Variants in SPHKAP observed in about 807,000 individuals in gnomAD.
SPHKAP encodes the protein SPHK1 interactor, AKAP domain containing, also known as A-kinase anchor protein SPHKAP.
Under a neutral mutation model 137.5 loss-of-function variants are expected in SPHKAP, and 67 were observed. The ratio of observed to expected loss-of-function variants is 0.49; its 90% CI spans 0.40 to 0.60. SPHKAP has a LOEUF of 0.60. SPHKAP is among the 20% of genes least tolerant of loss of function. The pLI is 0.00. For missense variants in SPHKAP, 2,097 were observed against 2,069.3 expected, an observed-to-expected ratio of 1.01 and a Z score of -0.26; for synonymous variants, 813 against 785.3, an observed-to-expected ratio of 1.04 and a Z score of -0.59.
intron 7 of SPHKAP, among the ~76,000 whole-genome samples, chr2:228,013,335 T>G (rs1345706946): frequency 6.6e-6 from 1 of 152,124 alleles, no homozygotes. Flanking sequence ...CACTGCAACC[T>G]CCACCTCCCA....
At chr2:228,135,926 T>G (rs1307161058) in intron 1 of SPHKAP, among the ~76,000 whole-genome samples, 1 of 152,232 alleles carries the variant, frequency 6.6e-6, no homozygotes, top group Non-Finnish European at 1.5e-5. Flanking sequence ...GGTAGGCTTA[T>G]GTTTTAAAGC....
intron 3 of SPHKAP, among the ~76,000 whole-genome samples, chr2:228,053,643 T>C (rs1368391172): frequency 3.9e-5 from 6 of 152,332 alleles, no homozygotes; most frequent in Non-Finnish European, 5.9e-5. Flanking sequence ...CTCTGATTTA[T>C]TGAAAAACTA....
chr2:228,161,970 A>G (rs1304043376), intron 1 of SPHKAP, among the ~76,000 whole-genome samples: 5 of 152,224 alleles, frequency 3.3e-5, no homozygotes, highest in Non-Finnish European at 1.5e-5. Flanking sequence ...GTTCAAGTTC[A>G]TATTCCTTCA....
chr2:228,169,860 A>G (rs758520325), intron 1 of SPHKAP: 11 of 152,090 alleles, frequency 7.2e-5, no homozygotes, highest in Non-Finnish European at 1.3e-4. Flanking sequence ...GAAAATTAAA[A>G]AAAATTACAA....
At chr2:228,028,132 T>G (rs1695130855) in intron 3 of SPHKAP, 1 of 858,506 alleles carries the variant, frequency 1.2e-6, no homozygotes, top group Admixed American at 6.2e-5. Context: ...AATAGAACAG[T>G]TACAACAAAA....
At chr2:228,005,345 T>C (rs999915722) in intron 7 of SPHKAP, among the ~76,000 whole-genome samples, 1 of 152,236 alleles carries the variant, frequency 6.6e-6, no homozygotes, top group Admixed American at 6.5e-5. Flanking sequence ...TGGTTTAAAG[T>C]CTGTTTTATC....
At chr2:228,121,774 A>C (rs1171462601) in intron 2 of SPHKAP, among the ~76,000 whole-genome samples, 1 of 152,182 alleles carries the variant, frequency 6.6e-6, no homozygotes, top group African/African-American at 2.4e-5. Flanking sequence ...GCTCATTGTA[A>C]GGGATCATGA....
chr2:228,094,771 G>T (rs1244306253), intron 3 of SPHKAP, among the ~76,000 whole-genome samples: 1 of 152,112 alleles, frequency 6.6e-6, no homozygotes, highest in Non-Finnish European at 1.5e-5. Context: ...GAGGGTGGCA[G>T]TTGGGAACTA....
Position 228,144,659 on chromosome 2 carries a change from C to A in SPHKAP, c.33-12574G>T, listed in dbSNP as rs568306936. Among the ~76,000 whole-genome samples the A allele has an allele frequency of 7.2e-5, 11 of 152,020 alleles. No homozygotes were observed. In the South Asian group the frequency reaches 1.9e-3, roughly 26 times the overall value. On this transcript the variant is annotated intron_variant, in intron 1 of 11. Coordinates refer to ENST00000392056, the MANE Select transcript of SPHKAP (RefSeq NM_001142644.2). ...AATCTAGTGCCTATAAACAAATAGGCATGTGAAATGAACAAACAGGAAATG... is the reference window on the plus strand; with the variant it reads ...AATCTAGTGCCTATAAACAAATAGGAATGTGAAATGAACAAACAGGAAATG...
At chr2:228,169,447 G>A (rs550974139) in intron 1 of SPHKAP, among the ~76,000 whole-genome samples, 207 of 152,046 alleles carry the variant, frequency 1.4e-3, no homozygotes, top group Non-Finnish European at 2.5e-3. Context: ...TAAGATTTAT[G>A]ATAAATCTAC....
intron 9 of SPHKAP, chr2:227,991,562 C>G (rs1693416636): frequency 1.0e-6 from 1 of 985,294 alleles, no homozygotes; most frequent in Admixed American, 6.2e-5. Flanking sequence ...ACTCAAGTTA[C>G]TTTAGTTAGG....
At chr2:227,994,159 G>A in intron 8 of SPHKAP, 7 of 741,164 alleles carry the variant, frequency 9.4e-6, no homozygotes, top group Non-Finnish European at 1.2e-5. Flanking sequence ...ATTTTCCCAT[G>A]AGACTACAGA....
chr2:228,016,895 T>C lies in SPHKAP; in HGVS notation c.3959A>G (p.Lys1320Arg), dbSNP rs2106208631. 1 of 1,614,140 alleles carries C rather than the reference T, an allele frequency of 6.2e-7. No homozygotes were observed. The change falls in exon 7 of 12, where the codon AAG becomes AGG. Residue 1320 changes from lysine to arginine, a missense_variant. Coordinates refer to ENST00000392056, the MANE Select transcript of SPHKAP (RefSeq NM_001142644.2). Reference sequence around the variant, plus strand: ...TGCATCATCCACAATGATTTTGTTCTTGCGCATGAGAGCCTCAATGGAGCT... The same window carrying C: ...TGCATCATCCACAATGATTTTGTTCCTGCGCATGAGAGCCTCAATGGAGCT... ...WASSIEALMR[K>R]NKIIVDDAEE...
At chr2:228,012,522 C>G (rs186042168) in intron 7 of SPHKAP, among the ~76,000 whole-genome samples, 1 of 152,158 alleles carries the variant, frequency 6.6e-6, no homozygotes, top group East Asian at 1.9e-4. Context: ...CAGTCATTTG[C>G]TACCACATTA....
intron 7 of SPHKAP, among the ~76,000 whole-genome samples, chr2:228,001,789 A>G (rs959154484): frequency 5.9e-5 from 9 of 151,826 alleles, no homozygotes; most frequent in African/African-American, 1.9e-4. Flanking sequence ...CTCATTGTTC[A>G]ATTCCCACCT....
At position 228,170,556 on chromosome 2, in the gene SPHKAP, G is replaced by A. The variant is rs142529054; in HGVS notation, c.32+11011C>T. Among the ~76,000 whole-genome samples, 8 of 152,180 alleles carry A rather than the reference G, an allele frequency of 5.3e-5. No individual in the cohort carries two copies. The East Asian group carries it at 1.2e-3, about 22-fold the overall frequency. On this transcript the variant is annotated intron_variant, in intron 1 of 11. Coordinates refer to ENST00000392056, the MANE Select transcript of SPHKAP (RefSeq NM_001142644.2). ...CCCTGATTAGTTGGCAGCCATCAAC[G>A]TCAAGGCAAGACCCACCACTAGCAA...
chr2:228,138,373 C>CT (rs1699498802), intron 1 of SPHKAP, among the ~76,000 whole-genome samples: 1 of 152,330 alleles, frequency 6.6e-6, no homozygotes, highest in South Asian at 2.1e-4. Context: ...TGCATAAAAT[C>CT]TGTTTTAACA....
At chr2:228,035,666 A>C (rs1417214140) in intron 3 of SPHKAP, among the ~76,000 whole-genome samples, 1 of 152,234 alleles carries the variant, frequency 6.6e-6, no homozygotes, top group Non-Finnish European at 1.5e-5. Flanking sequence ...ACAGCATGGC[A>C]CTGGTACCAA....
Position 228,082,238 on chromosome 2 carries a change from C to G in SPHKAP, c.246+26594G>C, listed in dbSNP as rs1013274249. 3.3e-5 allele frequency among the ~76,000 whole-genome samples: 5 copies of G among 151,994 alleles called. No individual in the cohort carries two copies. In the East Asian group the frequency reaches 9.7e-4, roughly 29 times the overall value. On this transcript the variant is annotated intron_variant, in intron 3 of 11. Transcript: ENST00000392056. ...TCCATTAGTTGGCAGGTGACATGGC[C>G]GGGAGGAGATTGCTTGGCATTTGTA...
Sources: gnomAD v4.1 joint callset for allele counts (sites outside exome capture counted in the v4.1 genomes callset) on GRCh38, gnomAD v4.1.1 for gene constraint, MANE v1.5 for transcripts, NCBI Gene and HGNC (gene_info 2026-07-23, HGNC 2026-07-21) for gene names.